Variants in RBFOX1 observed in about 807,000 individuals in gnomAD.
RBFOX1 encodes RNA binding fox-1 homolog 1.
In RBFOX1, 8 loss-of-function variants were observed where a neutral mutation model predicts 57.7. That is an observed-to-expected ratio of 0.14 (90% CI 0.08 to 0.25). RBFOX1 has a LOEUF of 0.25. Among genes scored for constraint, RBFOX1 ranks in the 10% least tolerant of loss-of-function variants. The pLI is 1.00. For missense variants in RBFOX1, 611 were observed against 548.5 expected (o/e 1.11, Z -1.14); for synonymous variants, 326 against 222.4 (o/e 1.47, Z -4.15).
chr16:6,391,098 C>T (rs996846218), intron 2 of RBFOX1, among the ~76,000 whole-genome samples: 12 of 152,152 alleles, frequency 7.9e-5, no homozygotes, highest in Admixed American at 2.0e-4. Flanking sequence ...CAAATGTCCC[C>T]TCCAAATGTG....
intron 1 of RBFOX1, among the ~76,000 whole-genome samples, chr16:6,217,600 A>G (rs1198137397): frequency 1.3e-5 from 2 of 152,200 alleles, no homozygotes. Context: ...GTGTACCCAC[A>G]TCGTGGTGCA....
At chr16:6,247,016 G>A (rs890693901) in intron 1 of RBFOX1, among the ~76,000 whole-genome samples, 1 of 152,174 alleles carries the variant, frequency 6.6e-6, no homozygotes, top group African/African-American at 2.4e-5. Context: ...GTTGTGGTGA[G>A]TCGAGATTGC....
chr16:6,615,841 G>C (rs907337807), intron 2 of RBFOX1, among the ~76,000 whole-genome samples: 1 of 152,146 alleles, frequency 6.6e-6, no homozygotes, highest in Non-Finnish European at 1.5e-5. Flanking sequence ...CACAGGCACT[G>C]TCTGCTTGGC....
intron 2 of RBFOX1, among the ~76,000 whole-genome samples, chr16:6,334,504 T>A (rs1454932182): frequency 1.4e-5 from 1 of 73,578 alleles, no homozygotes. Context: ...CAAGATAGCA[T>A]CTCAAAAAAA....
chr16:6,411,209 C>T lies in RBFOX1; in HGVS notation c.-64+94152C>T, dbSNP rs1277823258. ...AGTGGTCCAAGTTGGTCTTGAACCCCTGGGGCAAGCAGTTCTCCTGCTGGG... is the reference window on the plus strand; with the variant it reads ...AGTGGTCCAAGTTGGTCTTGAACCCTTGGGGCAAGCAGTTCTCCTGCTGGG... On this transcript the variant is annotated intron_variant, in intron 2 of 15. Coordinates refer to ENST00000550418, the MANE Select transcript of RBFOX1 (RefSeq NM_018723.4). 9.2e-5 allele frequency among the ~76,000 whole-genome samples: 14 copies of T among 152,112 alleles called. No homozygotes were observed. The East Asian group carries it at 2.7e-3, about 29-fold the overall frequency.
intron 1 of RBFOX1, among the ~76,000 whole-genome samples, chr16:6,161,970 A>G (rs2096882809): frequency 6.6e-6 from 1 of 152,252 alleles, no homozygotes; most frequent in African/African-American, 2.4e-5. Context: ...TTCACAGCCA[A>G]CTAAGGGTAC....
chr16:7,501,005 A>G (rs1184718326), intron 4 of RBFOX1, among the ~76,000 whole-genome samples: 2 of 152,130 alleles, frequency 1.3e-5, no homozygotes, highest in African/African-American at 4.8e-5. Flanking sequence ...GTGAAGAAGG[A>G]CATATTTGCT....
intron 3 of RBFOX1, among the ~76,000 whole-genome samples, chr16:7,035,557 A>G (rs748409250): frequency 2.1e-4 from 32 of 152,168 alleles, no homozygotes; most frequent in Non-Finnish European, 3.2e-4. Context: ...CTACTTGTGA[A>G]AATATTTTCT....
At chr16:6,647,011 G>A (rs2098539684) in intron 2 of RBFOX1, among the ~76,000 whole-genome samples, 1 of 152,148 alleles carries the variant, frequency 6.6e-6, no homozygotes, top group African/African-American at 2.4e-5. Flanking sequence ...GCCATAGACT[G>A]GATAGCTTCT....
intron 5 of RBFOX1, among the ~76,000 whole-genome samples, chr16:7,543,499 A>G (rs1015167423): frequency 5.3e-5 from 8 of 152,148 alleles, no homozygotes; most frequent in Admixed American, 5.2e-4. Flanking sequence ...TGACTTTCCC[A>G]TTTTCAGAGG....
chr16:6,315,994 C>A (rs1032676384), intron 1 of RBFOX1, among the ~76,000 whole-genome samples: 2 of 152,162 alleles, frequency 1.3e-5, no homozygotes, highest in East Asian at 3.8e-4. Context: ...CTAAACATAT[C>A]TGCAAATAAT....
intron 4 of RBFOX1, among the ~76,000 whole-genome samples, chr16:7,211,391 CA>C (rs57333413): frequency 0.01 from 866 of 83,902 alleles, 3 homozygotes; most frequent in Middle Eastern, 0.056. Flanking sequence ...GACTGCCTCT[CA>C]AAAAAAAAAA....
chr16:5,806,978 G>A lies in RBFOX1; in HGVS notation c.319-60325G>A, dbSNP rs139528305. Reference sequence around the variant, plus strand: ...GAAGAGAAGGAATAGTTAGAAAAATGTCTTGCCATGGCCTGGGGGAGAAGC... The same window carrying A: ...GAAGAGAAGGAATAGTTAGAAAAATATCTTGCCATGGCCTGGGGGAGAAGC... On this transcript the variant is annotated intron_variant, in intron 3 of 19. Transcript: ENST00000641259. Among the ~76,000 whole-genome samples the A allele has an allele frequency of 2.4e-3, 368 of 152,284 alleles. 1 individual carries two copies. The highest frequency in any genetic ancestry group is 8.3e-3 in the African/African-American group (346 of 41,558).
intron 3 of RBFOX1, among the ~76,000 whole-genome samples, chr16:6,658,751 C>A (rs906514322): frequency 3.9e-5 from 6 of 151,920 alleles, no homozygotes; most frequent in Admixed American, 1.3e-4. Flanking sequence ...TTATGTTTTT[C>A]TTTCGCTTCC....
intron 3 of RBFOX1, among the ~76,000 whole-genome samples, chr16:6,974,961 G>C (rs541542814): frequency 6.6e-6 from 1 of 152,316 alleles, no homozygotes; most frequent in South Asian, 2.1e-4. Context: ...TGTTCTAAAA[G>C]AATCTTCCTC....
chr16:6,686,751 T>C (rs1396612114), intron 3 of RBFOX1, among the ~76,000 whole-genome samples: 1 of 152,144 alleles, frequency 6.6e-6, no homozygotes, highest in African/African-American at 2.4e-5. Flanking sequence ...CTCTTTCCTT[T>C]TCTCCCAACC....
chr16:6,090,549 C>G (rs1431152281), intron 1 of RBFOX1, among the ~76,000 whole-genome samples: 1 of 152,190 alleles, frequency 6.6e-6, no homozygotes. Context: ...AATTAATGAT[C>G]AAAGGCAGTG....
chr16:6,052,472 A>G (rs1264218685), intron 1 of RBFOX1, among the ~76,000 whole-genome samples: 1 of 152,090 alleles, frequency 6.6e-6, no homozygotes, highest in Non-Finnish European at 1.5e-5. Flanking sequence ...CCTAATCTGT[A>G]AAGTGGGGAA....
At chr16:5,315,094 C>G (rs1349270943) in intron 1 of RBFOX1, among the ~76,000 whole-genome samples, 1 of 151,996 alleles carries the variant, frequency 6.6e-6, no homozygotes, top group Non-Finnish European at 1.5e-5. Flanking sequence ...GTTCTGGAGC[C>G]TTATGAATCA....
Sources: allele counts gnomAD v4.1 joint callset (sites outside exome capture counted in the v4.1 genomes callset), GRCh38; gene constraint gnomAD v4.1.1; transcripts MANE v1.5; gene names NCBI Gene and HGNC (gene_info 2026-07-23, HGNC 2026-07-21).